The following ITGB1 variants were observed in gnomAD, a reference collection of about 807,000 sequenced individuals.
ITGB1 encodes integrin beta-1.
ITGB1 carries 24 observed loss-of-function variants against 86.5 expected under a neutral mutation model. The ratio of observed to expected loss-of-function variants is 0.28; its 90% CI spans 0.20 to 0.39. The LOEUF is 0.39. Among genes scored for constraint, ITGB1 ranks in the 10% least tolerant of loss-of-function variants. The pLI, the probability that ITGB1 is intolerant of heterozygous loss-of-function variation, is 1.00. For missense variants in ITGB1, 556 were observed against 946.9 expected (o/e 0.59, Z 5.42); for synonymous variants, 323 against 316.8 (o/e 1.02, Z -0.21).
chr10:32,933,973 C>A (rs2137236060), intron 2 of ITGB1, among the ~76,000 whole-genome samples: 1 of 152,268 alleles, frequency 6.6e-6, no homozygotes, highest in South Asian at 2.1e-4. Flanking sequence ...CTCACATGCA[C>A]ATATAAACAC....
Position 32,911,590 on chromosome 10 carries a change from T to C in ITGB1, c.1789A>G (p.Ser597Gly), listed in dbSNP as rs759345589. 34 of 1,614,128 alleles carry C rather than the reference T, an allele frequency of 2.1e-5. 2 individuals carry two copies. The South Asian group carries it at 3.6e-4, about 17-fold the overall frequency. ...GSACDCSLDT[S>G]TCEASNGQIC... is the part of the protein sequence containing the mutation. ...TGTCCGTTGCTGGCTTCACAAGTAC[T>C]AGTATCCAAAGAACAGTCACATGCA... The change falls in exon 13 of 16, where the codon AGT (serine) becomes GGT (glycine). Residue 597 changes from serine to glycine, a missense_variant. Transcript: ENST00000302278.
intron 1 of ITGB1, among the ~76,000 whole-genome samples, chr10:32,939,446 T>A (rs546289644): frequency 6.6e-6 from 1 of 152,312 alleles, no homozygotes; most frequent in East Asian, 1.9e-4. Flanking sequence ...ACCATCACAG[T>A]GCACTTACAC....
intron 11 of ITGB1, among the ~76,000 whole-genome samples, chr10:32,919,088 A>C (rs1201768681): frequency 1.3e-5 from 2 of 152,236 alleles, no homozygotes; most frequent in African/African-American, 4.8e-5. Context: ...GATATGTACA[A>C]CATGGAAGAT....
intron 6 of ITGB1, among the ~76,000 whole-genome samples, chr10:32,924,823 G>A (rs2094960169): frequency 6.6e-6 from 1 of 152,176 alleles, no homozygotes; most frequent in Non-Finnish European, 1.5e-5. Context: ...AACAATATAG[G>A]AATTAGTATT....
At chr10:32,927,066 A>G (rs550181308) in intron 5 of ITGB1, among the ~76,000 whole-genome samples, 6 of 152,364 alleles carry the variant, frequency 3.9e-5, no homozygotes, top group Non-Finnish European at 8.8e-5. Flanking sequence ...CTCAATAATG[A>G]CATGCTGAAC....
intron 15 of ITGB1, among the ~76,000 whole-genome samples, chr10:32,904,003 C>CAA (rs5784309): frequency 7.4e-4 from 69 of 93,812 alleles, no homozygotes; most frequent in African/African-American, 2.7e-3. Flanking sequence ...AAGGGAAGGA[C>CAA]AAAAAAAAAA....
At chr10:32,921,772 A>G (rs2094950708) in intron 9 of ITGB1, among the ~76,000 whole-genome samples, 1 of 152,162 alleles carries the variant, frequency 6.6e-6, no homozygotes, top group Non-Finnish European at 1.5e-5. Flanking sequence ...ACATTTTTAT[A>G]TATTTTATGG....
At chr10:32,953,622 G>C (rs1173340335) in intron 1 of ITGB1, 2 of 151,876 alleles carry the variant, frequency 1.3e-5, no homozygotes, top group Non-Finnish European at 2.9e-5. Context: ...CCAACTCCTC[G>C]AACGAGAGAA....
chr10:32,931,139 G>A (rs2094982203), intron 3 of ITGB1, among the ~76,000 whole-genome samples: 1 of 152,036 alleles, frequency 6.6e-6, no homozygotes, highest in South Asian at 2.1e-4. Flanking sequence ...GGAATACCAA[G>A]AATCAGATAA....
intron 11 of ITGB1, among the ~76,000 whole-genome samples, chr10:32,912,840 T>C (rs925430120): frequency 1.3e-5 from 2 of 152,128 alleles, no homozygotes; most frequent in Non-Finnish European, 1.5e-5. Flanking sequence ...GAGTCTGACA[T>C]CTGAGAATGG....
In ITGB1 at chr10:32,908,561, C is replaced by T. The variant is rs142432391; in HGVS notation, c.2165-27G>A. The stretch of plus-strand genomic sequence containing the variant: ...TGGAAAATAAGAAGGTAATAATGAG[C>T]ACCACAAAGAGCTGTGCAGTGTCTT... On this transcript the variant is annotated intron_variant, in intron 14 of 15. Coordinates refer to ENST00000302278, the MANE Select transcript of ITGB1 (RefSeq NM_002211.4). 2.2e-4 allele frequency: 350 copies of T among 1,603,154 alleles called. No homozygotes were observed. The African/African-American group carries it at 4.0e-3, about 19-fold the overall frequency.
intron 1 of ITGB1, among the ~76,000 whole-genome samples, chr10:32,947,923 G>A (rs1412531005): frequency 6.6e-6 from 1 of 152,036 alleles, no homozygotes; most frequent in Non-Finnish European, 1.5e-5. Flanking sequence ...AAGTACCTGG[G>A]TGTTACTTGT....
chr10:32,955,757 G>A (rs1249926743), intron 1 of ITGB1: 1 of 152,154 alleles, frequency 6.6e-6, no homozygotes, highest in Non-Finnish European at 1.5e-5. Context: ...GTAATTCGGG[G>A]CTGATTTAAA....
chr10:32,935,819 T>C (rs1304136568), intron 1 of ITGB1: 1 of 310,866 alleles, frequency 3.2e-6, no homozygotes, highest in Non-Finnish European at 6.0e-6. Context: ...AGCAAACCGA[T>C]TATATTTTAA....
chr10:32,929,746 G>A, intron 4 of ITGB1, 76 bp downstream of exon 4: 1 of 836,898 alleles, frequency 1.2e-6, no homozygotes, highest in Admixed American at 1.9e-5. Flanking sequence ...AACAGAAACT[G>A]GTCAGAGTTT....
intron 11 of ITGB1, among the ~76,000 whole-genome samples, chr10:32,916,571 T>A (rs1251647386): frequency 6.6e-6 from 1 of 152,200 alleles, no homozygotes; most frequent in African/African-American, 2.4e-5. Flanking sequence ...AGCCAAATTA[T>A]GGGTGAACTC....
intron 1 of ITGB1, among the ~76,000 whole-genome samples, chr10:32,957,053 A>C (rs757282224): frequency 2.6e-4 from 40 of 152,212 alleles, no homozygotes; most frequent in Non-Finnish European, 4.7e-4. Context: ...GAAAATGGGA[A>C]TCGAAACAGT....
At chr10:32,924,495 A>G (rs918594910) in intron 6 of ITGB1, among the ~76,000 whole-genome samples, 1 of 152,234 alleles carries the variant, frequency 6.6e-6, no homozygotes, top group Non-Finnish European at 1.5e-5. Flanking sequence ...TGGGAATCAC[A>G]TTTATTAATA....
intron 3 of ITGB1, among the ~76,000 whole-genome samples, chr10:32,930,966 T>C (rs2094981606): frequency 6.6e-6 from 1 of 152,166 alleles, no homozygotes; most frequent in African/African-American, 2.4e-5. Context: ...AACAGTGACA[T>C]TATATATGGT....
Sources: allele counts gnomAD v4.1 joint callset (sites outside exome capture counted in the v4.1 genomes callset), GRCh38; gene constraint gnomAD v4.1.1; transcripts MANE v1.5; gene names NCBI Gene and HGNC (gene_info 2026-07-23, HGNC 2026-07-21).